The following PDE5A variants were observed in gnomAD, a reference collection of about 807,000 sequenced individuals.
The protein encoded by PDE5A is cGMP-specific 3',5'-cyclic phosphodiesterase.
A neutral mutation model predicts 110.2 loss-of-function variants in PDE5A; 67 were observed. The observed-to-expected ratio is 0.61, with a 90% CI of 0.50 to 0.75. The LOEUF (loss-of-function observed/expected upper bound fraction) is 0.75, where lower values mean the gene tolerates loss of function less well. Among genes scored for constraint, PDE5A ranks in the 30% least tolerant of loss-of-function variants. The probability of loss-of-function intolerance (pLI) is 0.00; values close to 1 mark genes in which losing one functional copy is unlikely to be tolerated. For missense variants in PDE5A, 862 were observed against 1,045.1 expected (o/e 0.82, Z 2.42); for synonymous variants, 328 against 351.2 (o/e 0.93, Z 0.74).
intron 1 of PDE5A, among the ~76,000 whole-genome samples, chr4:119,616,360 T>G (rs1049508495): frequency 6.6e-6 from 1 of 152,134 alleles, no homozygotes; most frequent in Admixed American, 6.5e-5. Flanking sequence ...GGAAGTTGCC[T>G]AAAACCTTTT....
chr4:119,549,565 A>G (rs932698329), intron 9 of PDE5A: 2 of 152,184 alleles, frequency 1.3e-5, no homozygotes, highest in African/African-American at 2.4e-5. Flanking sequence ...TGTTCTAAGT[A>G]TCTTTTTTTA....
chr4:119,576,591 A>G (rs1728357360), intron 3 of PDE5A, among the ~76,000 whole-genome samples: 1 of 152,184 alleles, frequency 6.6e-6, no homozygotes, highest in East Asian at 1.9e-4. Context: ...ATGACTACTG[A>G]GTACATAACG....
chr4:119,625,829 T>A (rs565678380), intron 1 of PDE5A, among the ~76,000 whole-genome samples: 1 of 152,310 alleles, frequency 6.6e-6, no homozygotes, highest in African/African-American at 2.4e-5. Context: ...ATTTTTATAA[T>A]CAACAAATGT....
chr4:119,530,573 T>G (rs985968441), intron 11 of PDE5A, among the ~76,000 whole-genome samples: 2 of 152,188 alleles, frequency 1.3e-5, no homozygotes, highest in African/African-American at 4.8e-5. Context: ...TTTTATACTT[T>G]ACAGTCCCAC....
At chr4:119,600,400 GCT>G (rs1448342268) in intron 2 of PDE5A, among the ~76,000 whole-genome samples, 1 of 152,084 alleles carries the variant, frequency 6.6e-6, no homozygotes, top group Non-Finnish European at 1.5e-5. Context: ...TATTTTCCTA[GCT>G]CTGTCTGCTA....
Position 119,627,934 on chromosome 4 carries a change from T to G in PDE5A, c.152+586A>C. The G allele has an allele frequency of 2.0e-6, 1 of 512,090 alleles. No individual in the cohort carries two copies. Among genetic ancestry groups the G allele is most frequent in the Non-Finnish European group, 2.5e-6 (1 of 397,570 alleles). 31.7% of individuals were successfully genotyped at this position (512,090 alleles called of 1,614,324 possible). A position where few individuals can be genotyped will look rare whatever the true frequency, so the allele number is the denominator to read the frequency against. On this transcript the variant is annotated intron_variant, in intron 1 of 20. Transcript: ENST00000354960. This position sits in a 1 kb window ranked among gnomAD's most constrained non-coding sequence, Gnocchi z 4.6. ...GCACAGCCTTCGGCGGAAAAGCGAGTGAAAGGAGGCGCGCGGGACAAGCAG... is the reference window on the plus strand; with the variant it reads ...GCACAGCCTTCGGCGGAAAAGCGAGGGAAAGGAGGCGCGCGGGACAAGCAG...
chr4:119,521,083 A>C, intron 12 of PDE5A, 23 bp from the exon 13 acceptor site: 17 of 1,606,402 alleles, frequency 1.1e-5, no homozygotes, highest in Non-Finnish European at 1.4e-5. Flanking sequence ...AAACATAAGT[A>C]GTAACAATAA....
intron 7 of PDE5A, 89 bp from the exon 8 acceptor site, chr4:119,553,835 CCAGCCTTAAATTATAAGGCAT>C: frequency 1.4e-6 from 1 of 698,960 alleles, no homozygotes; most frequent in Non-Finnish European, 2.5e-6. Flanking sequence ...GAGAAAAATA[CCAGCCTTAAATTATAAGGCAT>C]ATATACTTAT....
In PDE5A at chr4:119,525,519, C is replaced by T; in HGVS notation, c.1779+30G>A. On this transcript the variant is annotated intron_variant, in intron 12 of 20. Coordinates refer to ENST00000354960, the MANE Select transcript of PDE5A (RefSeq NM_001083.4). This position sits in a 1 kb window ranked among gnomAD's most constrained non-coding sequence, Gnocchi z 4.3. Reference sequence around the variant, plus strand: ...ACATACACACACACATACACATAGACTTTTCCAAAGGATGTTGCTGCATTC... The same window carrying T: ...ACATACACACACACATACACATAGATTTTTCCAAAGGATGTTGCTGCATTC... The T allele has an allele frequency of 6.2e-7, 1 of 1,607,070 alleles. No individual in the cohort carries two copies. Among genetic ancestry groups the T allele is most frequent in the Non-Finnish European group, 8.5e-7 (1 of 1,175,554 alleles).
At chr4:119,524,130 T>C (rs1307396618) in intron 12 of PDE5A, among the ~76,000 whole-genome samples, 2 of 152,096 alleles carry the variant, frequency 1.3e-5, no homozygotes, top group South Asian at 2.1e-4. Context: ...TACAAATAGA[T>C]AATCACAGAT....
At chr4:119,622,201 A>G (rs1040208179) in intron 1 of PDE5A, among the ~76,000 whole-genome samples, 3 of 151,284 alleles carry the variant, frequency 2.0e-5, no homozygotes, top group African/African-American at 7.3e-5. Flanking sequence ...AAGAAAAATG[A>G]GATTATATGA....
intron 3 of PDE5A, among the ~76,000 whole-genome samples, chr4:119,581,211 G>A (rs1294599237): frequency 1.3e-5 from 2 of 152,088 alleles, no homozygotes; most frequent in Non-Finnish European, 2.9e-5. Flanking sequence ...AGCAAAAATG[G>A]TAAAAAGCAA....
chr4:119,516,704 G>T (rs772969965), intron 14 of PDE5A, among the ~76,000 whole-genome samples: 2 of 152,012 alleles, frequency 1.3e-5, no homozygotes, highest in African/African-American at 4.8e-5. Context: ...TGCAACCTCT[G>T]CCTCCTGGGT....
intron 2 of PDE5A, among the ~76,000 whole-genome samples, chr4:119,599,127 A>G (rs1273053937): frequency 1.3e-5 from 2 of 152,146 alleles, no homozygotes; most frequent in African/African-American, 4.8e-5. Context: ...ACTAAATTCA[A>G]AAGATCCACT....
At chr4:119,594,604 C>T (rs543301287) in intron 3 of PDE5A, among the ~76,000 whole-genome samples, 3 of 152,150 alleles carry the variant, frequency 2.0e-5, no homozygotes, top group Non-Finnish European at 4.4e-5. Flanking sequence ...ATTAATAACA[C>T]AATAATGATC....
intron 5 of PDE5A, 32 bp from the exon 6 acceptor site, chr4:119,563,002 G>A: frequency 1.3e-6 from 2 of 1,527,204 alleles, no homozygotes; most frequent in Non-Finnish European, 1.8e-6. Context: ...TCATTATTTA[G>A]CAATTGATTG....
At chr4:119,581,426 CAT>C (rs527633169) in intron 3 of PDE5A, among the ~76,000 whole-genome samples, 63 of 152,212 alleles carry the variant, frequency 4.1e-4, no homozygotes, top group South Asian at 1.2e-3. Context: ...TCAAGAAAAA[CAT>C]GTGTGTGTGC....
chr4:119,565,938 T>G (rs1022024801), intron 4 of PDE5A, among the ~76,000 whole-genome samples: 1 of 147,508 alleles, frequency 6.8e-6, no homozygotes. Flanking sequence ...AATTATTGAT[T>G]GACTATTAAT....
Position 119,607,155 on chromosome 4 carries a change from T to C in PDE5A, c.295A>G (p.Arg99Gly). Residue 99 changes from arginine to glycine, a missense_variant, in exon 2 of 21, where the codon AGG becomes GGG. Transcript: ENST00000354960. ...ADNSAPGTPT[R>G]KISASEFDRP... ...TCAAATTCAGAGGCAGAGATTTTCC[T>C]GGTTGGTGTTCCAGGGGCACTGTTA... is the stretch of plus-strand genomic sequence containing the variant. 1 of 1,614,136 alleles carries C rather than the reference T, an allele frequency of 6.2e-7. No homozygotes were observed. Among genetic ancestry groups the C allele is most frequent in the African/African-American group, 1.3e-5 (1 of 75,040 alleles).
Sources: gnomAD v4.1 joint callset for allele counts (sites outside exome capture counted in the v4.1 genomes callset) on GRCh38, gnomAD v4.1.1 for gene constraint, Gnocchi (gnomAD v3.1) non-coding constraint, MANE v1.5 for transcripts, NCBI Gene and HGNC (gene_info 2026-07-23, HGNC 2026-07-21) for gene names.